SPATC1L: variants seen among roughly 807,000 people sequenced by gnomAD.
SPATC1L encodes spermatogenesis and centriole associated 1 like.
SPATC1L carries 20 observed loss-of-function variants against 21.2 expected under a neutral mutation model. The ratio of observed to expected loss-of-function variants is 0.94; its 90% CI spans 0.66 to 1.37. The LOEUF (loss-of-function observed/expected upper bound fraction) is 1.37, where lower values mean the gene tolerates loss of function less well. Among genes scored for constraint, SPATC1L ranks in the 40% most tolerant of loss-of-function variants. SPATC1L has a pLI of 0.00. For synonymous variants in SPATC1L, 290 were observed against 234.5 expected, an observed-to-expected ratio of 1.24 and a Z score of -2.16; for missense variants, 499 against 478.7, an observed-to-expected ratio of 1.04 and a Z score of -0.40.
At chr21:46,164,564 T>G (rs1176340662) in intron 3 of SPATC1L, among the ~76,000 whole-genome samples, 1 of 151,560 alleles carries the variant, frequency 6.6e-6, no homozygotes, top group Admixed American at 6.6e-5. Context: ...GAAGCCGAGG[T>G]GGGTGGATCA....
chr21:46,169,201 G>C (rs571605187), intron 2 of SPATC1L, among the ~76,000 whole-genome samples: 49 of 152,350 alleles, frequency 3.2e-4, no homozygotes, highest in African/African-American at 1.1e-3. Context: ...CCATGTTTCC[G>C]TGCAAACACA....
chr21:46,161,866 G>T (rs765835917), intron 4 of SPATC1L, 50 bp downstream of exon 4: 12 of 1,585,554 alleles, frequency 7.6e-6, no homozygotes, highest in Non-Finnish European at 1.0e-5. Context: ...GCACAGGGAC[G>T]GACCGAGCGC....
intron 3 of SPATC1L, 84 bp downstream of exon 3, chr21:46,168,224 C>G: frequency 1.1e-6 from 1 of 943,532 alleles, no homozygotes; most frequent in Non-Finnish European, 1.5e-6. Context: ...AGAAACGGCC[C>G]TGCCTGACCA....
At chr21:46,182,500 G>A (rs960667717) in intron 2 of SPATC1L, 124 bp downstream of exon 2, 1 of 882,168 alleles carries the variant, frequency 1.1e-6, no homozygotes, top group Admixed American at 3.1e-5. Context: ...ACTCAGACCT[G>A]AGGGTGTGAA....
rs767593483 is a variant in SPATC1L, at chr21:46,168,540, C to G, written c.312G>C (p.Pro104=). Residue 104 remains proline (P), a synonymous_variant, in exon 3 of 5, where the codon CCG becomes CCC. Coordinates refer to ENST00000291672, the MANE Select transcript of SPATC1L (RefSeq NM_001142854.2). ...APLSSEDDTS[P]GCAAPSQAPF... The stretch of plus-strand genomic sequence containing the variant: ...GTGCCTGGGAGGGGGCTGCACAGCC[C>G]GGGGAGGTGTCGTCCTCGCTGGACA... 4.0e-6 allele frequency: 6 copies of G among 1,515,596 alleles called. No individual in the cohort carries two copies. The highest frequency in any genetic ancestry group is 1.8e-6 in the Non-Finnish European group (2 of 1,120,250). 93.9% of individuals were successfully genotyped at this position (1,515,596 alleles called of 1,614,324 possible). A position where few individuals can be genotyped will look rare whatever the true frequency, so the allele number is the denominator to read the frequency against.
chr21:46,172,353 C>G (rs909524975), intron 2 of SPATC1L, among the ~76,000 whole-genome samples: 1 of 152,174 alleles, frequency 6.6e-6, no homozygotes, highest in Non-Finnish European at 1.5e-5. Flanking sequence ...GGCTGTGCAG[C>G]GTAGCAAGAT....
chr21:46,176,094 A>G (rs1449163366), intron 2 of SPATC1L, among the ~76,000 whole-genome samples: 1 of 152,210 alleles, frequency 6.6e-6, no homozygotes, highest in Non-Finnish European at 1.5e-5. Flanking sequence ...TTTCAACAAA[A>G]TTCAACACCC....
intron 2 of SPATC1L, among the ~76,000 whole-genome samples, chr21:46,173,338 C>G (rs1189554027): frequency 6.6e-6 from 1 of 152,146 alleles, no homozygotes; most frequent in Non-Finnish European, 1.5e-5. Flanking sequence ...CAGTGGAGAG[C>G]TCCAGTGAGA....
intron 2 of SPATC1L, among the ~76,000 whole-genome samples, chr21:46,182,232 C>G (rs2079680007): frequency 6.6e-6 from 1 of 152,180 alleles, no homozygotes; most frequent in Admixed American, 6.5e-5. Flanking sequence ...TGACACCCCC[C>G]TCGCCCCTGA....
At chr21:46,175,234 C>G (rs775762600) in intron 2 of SPATC1L, among the ~76,000 whole-genome samples, 20 of 152,182 alleles carry the variant, frequency 1.3e-4, no homozygotes, top group Non-Finnish European at 2.8e-4. Context: ...AACAACCTAA[C>G]ATCACAGCTA....
At chr21:46,167,148 T>A (rs182021701) in intron 3 of SPATC1L, among the ~76,000 whole-genome samples, 118 of 152,244 alleles carry the variant, frequency 7.8e-4, no homozygotes, top group African/African-American at 2.8e-3. Flanking sequence ...CACATAGAAA[T>A]TAAACAATAC....
chr21:46,182,511 A>G, intron 2 of SPATC1L, 113 bp downstream of exon 2: 1 of 1,005,006 alleles, frequency 1.0e-6, no homozygotes, highest in South Asian at 1.8e-5. Context: ...AGGGTGTGAA[A>G]GGTGCCCGTG....
In SPATC1L at chr21:46,168,567, G is replaced by T. The variant is rs528241329; in HGVS notation, c.285C>A (p.Pro95=). The T allele has an allele frequency of 2.3e-4, 340 of 1,483,486 alleles. No individual in the cohort carries two copies. The East Asian group carries it at 7.1e-3, about 31-fold the overall frequency. The allele number at this position is 1,483,486 out of a possible 1,614,324, so 91.9% of individuals were successfully genotyped here. The change falls in exon 3 of 5, where the codon CCC becomes CCA. Residue 95 remains proline, a synonymous_variant. Coordinates refer to ENST00000291672, the MANE Select transcript of SPATC1L (RefSeq NM_001142854.2). The stretch of plus-strand genomic sequence containing the variant: ...GGGAGGTGTCGTCCTCGCTGGACAG[G>T]GGGGCATGTGAGCACAGCAGGTCCT... ...SLEDLLCSHA[P]LSSEDDTSPG...
At chr21:46,171,468 A>G (rs2079590272) in intron 2 of SPATC1L, among the ~76,000 whole-genome samples, 1 of 151,660 alleles carries the variant, frequency 6.6e-6, no homozygotes, top group Non-Finnish European at 1.5e-5. Flanking sequence ...GGAACCAACT[A>G]ATCTTCCCTC....
chr21:46,166,939 A>T (rs1193536310), intron 3 of SPATC1L, among the ~76,000 whole-genome samples: 1 of 152,258 alleles, frequency 6.6e-6, no homozygotes, highest in Non-Finnish European at 1.5e-5. Flanking sequence ...ATAGATATTT[A>T]CAGAACATTT....
Position 46,179,177 on chromosome 21 carries a change from G to A in SPATC1L, c.193+3447C>T, listed in dbSNP as rs373614045. The stretch of plus-strand genomic sequence containing the variant: ...TAGGAGGATTGCTTGAGCCCCAGAG[G>A]TCGAGGCTGCAGTGAGTCATGATCA... On this transcript the variant is annotated intron_variant, in intron 2 of 4. Coordinates refer to ENST00000291672, the MANE Select transcript of SPATC1L (RefSeq NM_001142854.2). Among the ~76,000 whole-genome samples the A allele has an allele frequency of 1.4e-4, 21 of 152,012 alleles. No individual in the cohort carries two copies. The South Asian group carries it at 3.9e-3, about 29-fold the overall frequency.
intron 3 of SPATC1L, among the ~76,000 whole-genome samples, chr21:46,164,794 G>GAAA (rs72042671): frequency 3.5e-5 from 3 of 86,468 alleles, no homozygotes; most frequent in Non-Finnish European, 2.5e-5. Flanking sequence ...TCCATCTCAA[G>GAAA]AAAAAAAAAA....
chr21:46,163,551 C>T (rs1173806848), intron 3 of SPATC1L, among the ~76,000 whole-genome samples: 1 of 152,204 alleles, frequency 6.6e-6, no homozygotes, highest in Non-Finnish European at 1.5e-5. Flanking sequence ...GGCCCAGCCT[C>T]ATTCCTTGGC....
chr21:46,165,606 C>A, intron 3 of SPATC1L, among the ~76,000 whole-genome samples: 1 of 139,832 alleles, frequency 7.2e-6, no homozygotes, highest in Non-Finnish European at 1.5e-5. Flanking sequence ...CCTATAGAAA[C>A]CTTCTGACTA....
Sources: gnomAD v4.1 joint callset for allele counts (sites outside exome capture counted in the v4.1 genomes callset) on GRCh38, gnomAD v4.1.1 for gene constraint, MANE v1.5 for transcripts, NCBI Gene and HGNC (gene_info 2026-07-23, HGNC 2026-07-21) for gene names.